The following PLPP7 variants were observed in gnomAD, a reference collection of about 807,000 sequenced individuals.
PLPP7 encodes inactive phospholipid phosphatase 7.
PLPP7 carries 11 observed loss-of-function variants against 16.9 expected under a neutral mutation model. The observed-to-expected ratio is 0.65, with a 90% confidence interval of 0.41 to 1.08. PLPP7 has a LOEUF of 1.08. Among genes scored for constraint, PLPP7 ranks in the 50% least tolerant of loss-of-function variants. The pLI, the probability that PLPP7 is intolerant of heterozygous loss-of-function variation, is 0.00. For synonymous variants in PLPP7, 174 were observed against 175.1 expected, an observed-to-expected ratio of 0.99 and a Z score of 0.05; for missense variants, 358 against 397.1, an observed-to-expected ratio of 0.90 and a Z score of 0.84.
chr9:131,298,763 A>G (rs898467568), intron 1 of PLPP7, among the ~76,000 whole-genome samples: 20 of 152,128 alleles, frequency 1.3e-4, no homozygotes, highest in African/African-American at 4.6e-4. Context: ...GGCCTCTGGG[A>G]GCCTCCAGCA....
chr9:131,308,604 G>T lies in PLPP7; in HGVS notation c.*317G>T. Reference sequence around the variant, plus strand: ...ACAGCAAAAATCAGGATGGTGGGAGGGGCCGAGTCTTGTCTTGTCCTTTCA... The same window carrying T: ...ACAGCAAAAATCAGGATGGTGGGAGTGGCCGAGTCTTGTCTTGTCCTTTCA... On this transcript the variant is annotated 3_prime_UTR_variant, in exon 2 of 2. Transcript: ENST00000372264. 1 of 382,478 alleles carries T rather than the reference G, an allele frequency of 2.6e-6. No homozygotes were observed. Among genetic ancestry groups the T allele is most frequent in the Non-Finnish European group, 4.9e-6 (1 of 205,954 alleles). 23.7% of individuals were successfully genotyped at this position (382,478 alleles called of 1,614,324 possible).
chr9:131,305,941 C>G (rs1835847096), intron 1 of PLPP7, among the ~76,000 whole-genome samples: 1 of 151,870 alleles, frequency 6.6e-6, no homozygotes, highest in South Asian at 2.1e-4. Flanking sequence ...AGACATCCGT[C>G]TCTTAAAAAA....
rs369364978 is a variant in PLPP7 at position 131,290,219 on chromosome 9, C to A, written c.222C>A (p.Asn74Lys). The A allele has an allele frequency of 1.2e-6, 2 of 1,607,676 alleles. No homozygotes were observed. The highest frequency in any genetic ancestry group is 1.7e-6 in the Non-Finnish European group (2 of 1,176,526). ...QLPEEDCMQL[N>K]PSFKGIAFNS... Reference sequence around the variant, plus strand: ...CAGAGGAGGACTGCATGCAGCTGAACCCCTCCTTCAAGGGCATCGCCTTCA... The same window carrying A: ...CAGAGGAGGACTGCATGCAGCTGAAACCCTCCTTCAAGGGCATCGCCTTCA... Residue 74 changes from asparagine (N) to lysine (K), a missense_variant, in exon 1 of 2, where the codon AAC (asparagine) becomes AAA (lysine). Transcript: ENST00000372264. This position sits in a 1 kb window ranked among gnomAD's most constrained non-coding sequence, Gnocchi z 4.2.
In PLPP7 at chr9:131,290,614, G is replaced by C. The variant is rs1049491218; in HGVS notation, c.451+166G>C. Among the ~76,000 whole-genome samples, 7 of 138,478 alleles carry C rather than the reference G, an allele frequency of 5.1e-5. No individual in the cohort carries two copies. Among genetic ancestry groups the C allele is most frequent in the African/African-American group, 7.6e-5 (3 of 39,560 alleles). 90.8% of individuals were successfully genotyped at this position (138,478 alleles called of 152,430 possible). ...CCCAGAAACAGGCAGGCTCCGGCGTGGGGGAGCGACAGCCAGGGATGCATA... is the reference window on the plus strand; with the variant it reads ...CCCAGAAACAGGCAGGCTCCGGCGTCGGGGAGCGACAGCCAGGGATGCATA... On this transcript the variant is annotated intron_variant, in intron 1 of 1. Transcript: ENST00000372264. This position sits in a 1 kb window ranked among gnomAD's most constrained non-coding sequence, Gnocchi z 4.2.
intron 1 of PLPP7, among the ~76,000 whole-genome samples, chr9:131,306,468 G>C (rs1191159030): frequency 2.6e-5 from 2 of 77,270 alleles, no homozygotes; most frequent in African/African-American, 7.2e-5. Context: ...CGTGAACCCG[G>C]GAGGTGGGCA....
At chr9:131,299,944 C>A (rs760886861) in intron 1 of PLPP7, among the ~76,000 whole-genome samples, 17 of 152,036 alleles carry the variant, frequency 1.1e-4, no homozygotes, top group Non-Finnish European at 1.5e-4. Context: ...GGGGCAGATA[C>A]CCCCCGTCAT....
intron 1 of PLPP7, among the ~76,000 whole-genome samples, chr9:131,298,425 G>T (rs1038539871): frequency 6.6e-6 from 1 of 152,136 alleles, no homozygotes; most frequent in Non-Finnish European, 1.5e-5. Flanking sequence ...TTCGCAGCCT[G>T]CAGGGCATCC....
chr9:131,308,938 T>G lies in PLPP7; in HGVS notation c.*651T>G, dbSNP rs1454436832. On this transcript the variant is annotated 3_prime_UTR_variant, in exon 2 of 2. Coordinates refer to ENST00000372264, the MANE Select transcript of PLPP7 (RefSeq NM_032728.4). ...TAGAAAAGCTTCTTGCTAAACCTTC[T>G]TTAACCCATGTTTTCTAAACTTATT... 6.6e-6 allele frequency: 1 copy of G among 152,350 alleles called. No homozygotes were observed. Among genetic ancestry groups the G allele is most frequent in the Non-Finnish European group, 1.5e-5 (1 of 68,116 alleles). 9.4% of individuals were successfully genotyped at this position (152,350 alleles called of 1,614,324 possible). A position where few individuals can be genotyped will look rare whatever the true frequency, so the allele number is the denominator to read the frequency against.
In PLPP7 at chr9:131,295,905, C is replaced by T. The variant is rs1835731006; in HGVS notation, c.451+5457C>T. 6.6e-6 allele frequency among the ~76,000 whole-genome samples: 1 copy of T among 152,172 alleles called. No individual in the cohort carries two copies. Among genetic ancestry groups the T allele is most frequent in the African/African-American group, 2.4e-5 (1 of 41,436 alleles). ...ACATTTCGTGTATCCATTCGTGCAC[C>T]CATGGACACTTCGGTTGCTTCCACA... On this transcript the variant is annotated intron_variant, in intron 1 of 1. Coordinates refer to ENST00000372264, the MANE Select transcript of PLPP7 (RefSeq NM_032728.4). This position sits in a 1 kb window ranked among gnomAD's most constrained non-coding sequence, Gnocchi z 4.0.
intron 1 of PLPP7, chr9:131,292,870 C>T (rs908577201): frequency 2.7e-5 from 27 of 985,242 alleles, no homozygotes; most frequent in Non-Finnish European, 3.3e-5. Flanking sequence ...GCTTCAGGCT[C>T]ATTCCAGCAG....
intron 1 of PLPP7, among the ~76,000 whole-genome samples, chr9:131,301,789 C>A (rs957894959): frequency 1.3e-5 from 2 of 150,286 alleles, no homozygotes; most frequent in Non-Finnish European, 3.0e-5. Flanking sequence ...TAGACCAAGG[C>A]GCTGAGAGGG....
intron 1 of PLPP7, among the ~76,000 whole-genome samples, chr9:131,297,413 T>A (rs1274663282): frequency 6.8e-6 from 1 of 147,056 alleles, no homozygotes; most frequent in African/African-American, 2.5e-5. Context: ...CTGAAGAGAG[T>A]CTTGCTCTGT....
At chr9:131,294,994 C>T (rs780088116) in intron 1 of PLPP7, among the ~76,000 whole-genome samples, 1 of 151,126 alleles carries the variant, frequency 6.6e-6, no homozygotes, top group Admixed American at 6.6e-5. Flanking sequence ...ACTCTGTCTC[C>T]AGGCTGGAGT....
chr9:131,293,031 G>C, intron 1 of PLPP7: 1 of 892,192 alleles, frequency 1.1e-6, no homozygotes, highest in Non-Finnish European at 1.3e-6. Context: ...ACAATGGCAT[G>C]AACGGCCTGT....
chr9:131,291,233 G>T (rs1377963866), intron 1 of PLPP7: 5 of 1,347,592 alleles, frequency 3.7e-6, no homozygotes, highest in African/African-American at 3.0e-5. Flanking sequence ...GGTCCCCAAG[G>T]TGCCCCAGGA....
chr9:131,292,523 A>G (rs1835690680), intron 1 of PLPP7, among the ~76,000 whole-genome samples: 1 of 152,196 alleles, frequency 6.6e-6, no homozygotes, highest in Non-Finnish European at 1.5e-5. Context: ...AAGGTCCTGC[A>G]GCTAGTCAGT....
At chr9:131,291,291 C>T (rs1451573149) in intron 1 of PLPP7, 6 of 1,244,540 alleles carry the variant, frequency 4.8e-6, no homozygotes, top group East Asian at 5.4e-5. Context: ...TTGTCTTTCC[C>T]GGTGTGGCCA....
rs1411403903 is a variant in PLPP7, at chr9:131,290,908, G to C, written c.451+460G>C. ...GTGAGCTGCCCCATGAGCACCTCCC[G>C]CCTCGGTTCAGGAACCGGGAAAGCT... On this transcript the variant is annotated intron_variant, in intron 1 of 1. Coordinates refer to ENST00000372264, the MANE Select transcript of PLPP7 (RefSeq NM_032728.4). This position sits in a 1 kb window ranked among gnomAD's most constrained non-coding sequence, Gnocchi z 4.2. Among the ~76,000 whole-genome samples the C allele has an allele frequency of 6.6e-6, 1 of 152,042 alleles. No individual in the cohort carries two copies. The highest frequency in any genetic ancestry group is 6.5e-5 in the Admixed American group (1 of 15,282).
At chr9:131,304,257 A>G (rs988378038) in intron 1 of PLPP7, among the ~76,000 whole-genome samples, 27 of 152,194 alleles carry the variant, frequency 1.8e-4, no homozygotes, top group African/African-American at 6.3e-4. Flanking sequence ...CGGCACAGAA[A>G]GGCGGAGCAG....
Sources: allele counts gnomAD v4.1 joint callset (sites outside exome capture counted in the v4.1 genomes callset), GRCh38; gene constraint gnomAD v4.1.1; non-coding constraint Gnocchi (gnomAD v3.1); transcripts MANE v1.5; gene names NCBI Gene and HGNC (gene_info 2026-07-23, HGNC 2026-07-21).